The following PIK3C2B variants were observed in gnomAD, a reference collection of about 807,000 sequenced individuals.
The protein encoded by PIK3C2B is phosphatidylinositol-4-phosphate 3-kinase catalytic subunit type 2 beta, also known as phosphatidylinositol 4-phosphate 3-kinase C2 domain-containing subunit beta.
In PIK3C2B, 83 loss-of-function variants were observed where a neutral mutation model predicts 184.3. The ratio of observed to expected loss-of-function variants is 0.45; its 90% CI spans 0.38 to 0.54. The LOEUF (loss-of-function observed/expected upper bound fraction) is 0.54, where lower values mean the gene tolerates loss of function less well. PIK3C2B is among the 20% of genes least tolerant of loss of function. The pLI, the probability that PIK3C2B is intolerant of heterozygous loss-of-function variation, is 0.00. For synonymous variants in PIK3C2B, 779 were observed against 837.6 expected, an observed-to-expected ratio of 0.93 and a Z score of 1.21; for missense variants, 1,736 against 2,113.5, an observed-to-expected ratio of 0.82 and a Z score of 3.50.
chr1:204,436,441 G>C (rs928152158), intron 23 of PIK3C2B, among the ~76,000 whole-genome samples: 1 of 152,078 alleles, frequency 6.6e-6, no homozygotes, highest in Non-Finnish European at 1.5e-5. Context: ...GAGTCAGGAG[G>C]ATCACATGAA....
chr1:204,445,813 C>A, intron 16 of PIK3C2B, 143 bp downstream of exon 16: 1 of 532,526 alleles, frequency 1.9e-6, no homozygotes, highest in Non-Finnish European at 3.3e-6. Flanking sequence ...AAAGAAAAAG[C>A]AAAAAGGAGA....
chr1:204,439,731 CT>C (rs1218929319), intron 22 of PIK3C2B, among the ~76,000 whole-genome samples: 2 of 152,172 alleles, frequency 1.3e-5, no homozygotes, highest in East Asian at 1.9e-4. Flanking sequence ...AATTCCTGGA[CT>C]CAAGCGATCC....
rs1657143677 is a variant in PIK3C2B, at chr1:204,481,503, TG to T, written c.-84-11618del. On this transcript the variant is annotated intron_variant, in intron 1 of 32. Coordinates refer to ENST00000684373, the MANE Select transcript of PIK3C2B (RefSeq NM_001377334.1). ...CGATCTCCTGACCTCATGATCCACC[TG>T]CCTGGGCCTCCCAAAGTGCTGGGAT... Among the ~76,000 whole-genome samples, 19 of 152,202 alleles carry T rather than the reference TG, an allele frequency of 1.2e-4. No homozygotes were observed. In the South Asian group the frequency reaches 3.9e-3, roughly 32 times the overall value.
intron 12 of PIK3C2B, among the ~76,000 whole-genome samples, chr1:204,450,659 G>GCC (rs1654272640): frequency 6.6e-6 from 1 of 152,154 alleles, no homozygotes; most frequent in Non-Finnish European, 1.5e-5. Context: ...CCCCAGTGGT[G>GCC]AGAAAGCCAA....
intron 10 of PIK3C2B, 25 bp from the exon 11 acceptor site, chr1:204,456,076 GA>G: frequency 6.3e-7 from 1 of 1,599,504 alleles, no homozygotes; most frequent in Non-Finnish European, 8.5e-7. Context: ...GGTCAGAAGG[GA>G]AAGTCATGAG....
chr1:204,459,059 G>A (rs953910252), intron 8 of PIK3C2B, among the ~76,000 whole-genome samples: 1 of 146,502 alleles, frequency 6.8e-6, no homozygotes, highest in African/African-American at 2.5e-5. Flanking sequence ...CTGTCACGCA[G>A]GCTGGAGTGC....
rs34842826 is a variant in PIK3C2B at position 204,440,765 on chromosome 1, T to TTATATATATATA, written c.3250-456_3250-445dup. 1.6e-3 allele frequency among the ~76,000 whole-genome samples: 227 copies of TTATATATATATA among 140,048 alleles called. 2 individuals are homozygous for TTATATATATATA. Among genetic ancestry groups the TTATATATATATA allele is most frequent in the African/African-American group, 5.7e-3 (217 of 38,310 alleles). The allele number at this position is 140,048 out of a possible 152,430, so 91.9% of individuals were successfully genotyped here. On this transcript the variant is annotated intron_variant, in intron 21 of 32. Transcript: ENST00000684373. The stretch of plus-strand genomic sequence containing the variant: ...GTGCCTGCCACCACGCCCAGCTAAT[T>TTATATATATATA]TATATATATATATATATATATATTT...
At chr1:204,480,946 T>C (rs1399752473) in intron 1 of PIK3C2B, among the ~76,000 whole-genome samples, 1 of 152,106 alleles carries the variant, frequency 6.6e-6, no homozygotes, top group Non-Finnish European at 1.5e-5. Flanking sequence ...CAGGATATCT[T>C]CAGTTAATGC....
chr1:204,472,459 G>A (rs1353666633), intron 1 of PIK3C2B, among the ~76,000 whole-genome samples: 2 of 142,172 alleles, frequency 1.4e-5, no homozygotes, highest in Non-Finnish European at 3.1e-5. Context: ...CACCGCACCC[G>A]GCCCGACTGG....
chr1:204,425,568 G>A lies in PIK3C2B; in HGVS notation c.4716+45C>T, dbSNP rs564701419. 94 of 1,601,360 alleles carry A rather than the reference G, an allele frequency of 5.9e-5. 1 individual carries two copies. The East Asian group carries it at 1.5e-3, about 26-fold the overall frequency. ...TACGACTTTATCTAGGAGAACAGGC[G>A]CAGGTTGCCAACCCCTGCCCTACCC... On this transcript the variant is annotated intron_variant, in intron 32 of 32. Coordinates refer to ENST00000684373, the MANE Select transcript of PIK3C2B (RefSeq NM_001377334.1).
intron 31 of PIK3C2B, among the ~76,000 whole-genome samples, chr1:204,426,131 G>C (rs180690455): frequency 7.9e-5 from 12 of 152,294 alleles, no homozygotes; most frequent in Admixed American, 7.8e-4. Flanking sequence ...CACAGAGATT[G>C]AGCTGCTTGC....
chr1:204,450,240 G>A, intron 12 of PIK3C2B: 2 of 499,806 alleles, frequency 4.0e-6, no homozygotes, highest in Non-Finnish European at 7.1e-6. Flanking sequence ...TGTCCTTGGA[G>A]CTTTGCAGTA....
chr1:204,423,042 A>G lies in PIK3C2B; in HGVS notation c.*1810T>C, dbSNP rs1558222520. The G allele has an allele frequency of 6.6e-6, 1 of 152,230 alleles. No individual in the cohort carries two copies. The highest frequency in any genetic ancestry group is 2.1e-4 in the South Asian group (1 of 4,838). The allele number at this position is 152,230 out of a possible 1,614,324, so 9.4% of individuals were successfully genotyped here. A position where few individuals can be genotyped will look rare whatever the true frequency, so the allele number is the denominator to read the frequency against. ...TCCTCATTTCACTCTTTTCCCAATCATGGGAAATATCCAGCCAATTCTGGT... is the reference window on the plus strand; with the variant it reads ...TCCTCATTTCACTCTTTTCCCAATCGTGGGAAATATCCAGCCAATTCTGGT... On this transcript the variant is annotated 3_prime_UTR_variant, in exon 33 of 33. Transcript: ENST00000684373.
intron 1 of PIK3C2B, among the ~76,000 whole-genome samples, chr1:204,486,526 T>G (rs1572406557): frequency 6.7e-6 from 1 of 148,778 alleles, no homozygotes; most frequent in African/African-American, 2.5e-5. Flanking sequence ...AGGTAGGGAG[T>G]TCAAGACTGG....
chr1:204,476,389 A>G (rs1033730441), intron 1 of PIK3C2B, among the ~76,000 whole-genome samples: 6 of 151,168 alleles, frequency 4.0e-5, no homozygotes, highest in South Asian at 2.1e-4. Flanking sequence ...CTATGGGGGG[A>G]AAAAAAATTA....
Position 204,455,973 on chromosome 1 carries a change from TG to T in PIK3C2B, c.1825del (p.Gln609ArgfsTer88). 2 of 1,614,224 alleles carry T rather than the reference TG, an allele frequency of 1.2e-6. No individual in the cohort carries two copies. The highest frequency in any genetic ancestry group is 1.7e-6 in the Non-Finnish European group (2 of 1,180,026). On this transcript the variant is annotated frameshift_variant, in exon 11 of 33. Coordinates refer to ENST00000684373, the MANE Select transcript of PIK3C2B (RefSeq NM_001377334.1). LOFTEE classifies it high-confidence loss of function. ...LYCNTFNADF[Q>X]TAVPGSRKHD... ...CTTGCGGCTCCCGGGCACTGCCGTC[TG>T]GAAGTCTGCGTTGAATGTGTTGCAG... is the stretch of plus-strand genomic sequence containing the variant.
intron 16 of PIK3C2B, among the ~76,000 whole-genome samples, chr1:204,444,995 G>C (rs188571306): frequency 6.6e-6 from 1 of 152,062 alleles, no homozygotes; most frequent in African/African-American, 2.4e-5. Context: ...GGAAATCCTG[G>C]GTACCATCTA....
intron 1 of PIK3C2B, among the ~76,000 whole-genome samples, chr1:204,483,728 C>G (rs1040977818): frequency 6.6e-6 from 1 of 152,196 alleles, no homozygotes; most frequent in Non-Finnish European, 1.5e-5. Flanking sequence ...CTTATCCCCC[C>G]AGTTTGCACA....
Position 204,443,453 on chromosome 1 carries a change from G to C in PIK3C2B, c.3012C>G (p.Ala1004=). The change falls in exon 19 of 33, where the codon GCC becomes GCG. Residue 1004 remains alanine (A), a synonymous_variant. Coordinates refer to ENST00000684373, the MANE Select transcript of PIK3C2B (RefSeq NM_001377334.1). Reference sequence around the variant, plus strand: ...ATGGGGCTGCCTCCCGGACCTGCTGGGCCAGTTTGGCCAGGGCATTGACAA... The same window carrying C: ...ATGGGGCTGCCTCCCGGACCTGCTGCGCCAGTTTGGCCAGGGCATTGACAA... ...CWLVNALAKL[A]QQVREAAPSA... The C allele has an allele frequency of 1.2e-6, 2 of 1,614,178 alleles. No individual in the cohort carries two copies. Among genetic ancestry groups the C allele is most frequent in the Non-Finnish European group, 1.7e-6 (2 of 1,180,036 alleles).
Sources: allele counts gnomAD v4.1 joint callset (sites outside exome capture counted in the v4.1 genomes callset), GRCh38; gene constraint gnomAD v4.1.1; transcripts MANE v1.5; gene names NCBI Gene and HGNC (gene_info 2026-07-23, HGNC 2026-07-21).